The following TJP1 variants were observed in gnomAD, a reference collection of about 807,000 sequenced individuals.
The protein encoded by TJP1 is tight junction protein 1, also known as tight junction protein ZO-1.
A neutral mutation model predicts 194.2 loss-of-function variants in TJP1; 43 were observed. The observed-to-expected ratio is 0.22, with a 90% CI of 0.17 to 0.29. The LOEUF (loss-of-function observed/expected upper bound fraction) is 0.29, where lower values mean the gene tolerates loss of function less well. Ranked by LOEUF, TJP1 falls within the 10% of genes least tolerant of loss-of-function variation. The probability of loss-of-function intolerance (pLI) is 1.00; values close to 1 mark genes in which losing one functional copy is unlikely to be tolerated. For synonymous variants in TJP1, 801 were observed against 779.0 expected, an observed-to-expected ratio of 1.03 and a Z score of -0.47; for missense variants, 1,971 against 2,185.7, an observed-to-expected ratio of 0.90 and a Z score of 1.96.
chr15:29,833,058 C>G (rs1347294749), intron 2 of TJP1, among the ~76,000 whole-genome samples: 1 of 152,148 alleles, frequency 6.6e-6, no homozygotes, highest in Non-Finnish European at 1.5e-5. Context: ...CATGTTTCCT[C>G]CTTGCCAAAG....
intron 2 of TJP1, among the ~76,000 whole-genome samples, chr15:29,786,762 A>G (rs752437049): frequency 1.3e-5 from 2 of 152,190 alleles, no homozygotes; most frequent in African/African-American, 2.4e-5. Flanking sequence ...TTGGCCTCCC[A>G]AAGTACTGGA....
chr15:29,953,590 CTTAT>C (rs1270683715), intron 2 of TJP1, among the ~76,000 whole-genome samples: 5 of 152,096 alleles, frequency 3.3e-5, no homozygotes, highest in Admixed American at 6.6e-5. Context: ...TTAAGCTCTT[CTTAT>C]TTATTTTTTT....
chr15:29,726,055 A>G (rs1246634120), intron 18 of TJP1, among the ~76,000 whole-genome samples: 1 of 152,168 alleles, frequency 6.6e-6, no homozygotes, highest in African/African-American at 2.4e-5. Flanking sequence ...AGAGGAGGAA[A>G]CTGAAGCCAG....
At chr15:29,820,524 T>C in intron 1 of TJP1, 1 of 716,870 alleles carries the variant, frequency 1.4e-6, no homozygotes, top group Non-Finnish European at 2.6e-6. Context: ...GTACTCCTCC[T>C]ACCTTACTGT....
At chr15:29,753,822 G>GAA (rs59926060) in intron 8 of TJP1, among the ~76,000 whole-genome samples, 45 of 68,338 alleles carry the variant, frequency 6.6e-4, no homozygotes, top group African/African-American at 1.0e-3. Flanking sequence ...AAGGGAAACA[G>GAA]AAAAAAAAAA....
chr15:29,715,792 C>G (rs2042527435), intron 23 of TJP1, among the ~76,000 whole-genome samples: 1 of 152,182 alleles, frequency 6.6e-6, no homozygotes, highest in East Asian at 1.9e-4. Context: ...AAAATCTTCC[C>G]TTCCTGACCA....
intron 2 of TJP1, among the ~76,000 whole-genome samples, chr15:29,789,269 G>C (rs1488481818): frequency 6.6e-6 from 1 of 152,066 alleles, no homozygotes; most frequent in Non-Finnish European, 1.5e-5. Context: ...TAAGTTTTTT[G>C]GGGCAGAACT....
At chr15:29,854,021 T>C (rs1473963723) in intron 2 of TJP1, among the ~76,000 whole-genome samples, 3 of 152,172 alleles carry the variant, frequency 2.0e-5, no homozygotes, top group Non-Finnish European at 4.4e-5. Flanking sequence ...GTGACTGATA[T>C]GTCAGTTTTT....
At chr15:29,909,028 G>T (rs1055688558) in intron 2 of TJP1, among the ~76,000 whole-genome samples, 1 of 151,622 alleles carries the variant, frequency 6.6e-6, no homozygotes, top group East Asian at 1.9e-4. Flanking sequence ...GTGGTGGTGG[G>T]CGCCTGTAGT....
intron 2 of TJP1, among the ~76,000 whole-genome samples, chr15:29,931,625 T>C (rs1314960210): frequency 3.3e-5 from 5 of 152,158 alleles, no homozygotes; most frequent in Admixed American, 6.5e-5. Context: ...AAGAGCCAAG[T>C]ACAACCAAGG....
intron 2 of TJP1, among the ~76,000 whole-genome samples, chr15:29,900,898 C>T (rs550448327): frequency 3.1e-4 from 47 of 152,236 alleles, no homozygotes; most frequent in South Asian, 8.3e-4. Flanking sequence ...CAAGCTTCCC[C>T]AGCAGCCACA....
Position 29,766,270 on chromosome 15 carries a change from ATTTT to A in TJP1, c.581_584del (p.Lys194MetfsTer36). 1 of 1,606,938 alleles carries A rather than the reference ATTTT, an allele frequency of 6.2e-7. No homozygotes were observed. Among genetic ancestry groups the A allele is most frequent in the Non-Finnish European group, 8.5e-7 (1 of 1,177,916 alleles). On this transcript the variant is annotated frameshift_variant, in exon 5 of 28. Transcript: ENST00000614355. LOFTEE classifies it high-confidence loss of function. ...GCAAGAGTTGGCAGAGAATACCTTC[ATTTT>A]TCCGGGATTTCACCAGTGTGACTTT...
chr15:29,949,552 A>ACCACCACCTCCACC lies in TJP1; in HGVS notation c.306+6679_306+6680insGGTGGAGGTGGTGG, dbSNP rs1567225362. 3.2e-3 allele frequency among the ~76,000 whole-genome samples: 42 copies of ACCACCACCTCCACC among 13,294 alleles called. 1 individual carries two copies. The highest frequency in any genetic ancestry group is 4.6e-3 in the Non-Finnish European group (33 of 7,102). The allele number at this position is 13,294 out of a possible 152,430, so 8.7% of individuals were successfully genotyped here. On this transcript the variant is annotated intron_variant, in intron 2 of 28. Transcript: ENST00000356107. ...CCACCTCCACCACCACCACCTCCACAACCACCACCTCCACTTCCACAACCA... is the reference window on the plus strand; with the variant it reads ...CCACCTCCACCACCACCACCTCCACACCACCACCTCCACCACCACCACCTCCACTTCCACAACCA...
In TJP1 at chr15:29,779,679, TAG is replaced by T. The variant is rs2047231156; in HGVS notation, c.85-6324_85-6323del. Among the ~76,000 whole-genome samples, 3 of 152,224 alleles carry T rather than the reference TAG, an allele frequency of 2.0e-5. No individual in the cohort carries two copies. The South Asian group carries it at 6.2e-4, about 32-fold the overall frequency. On this transcript the variant is annotated intron_variant, in intron 2 of 27. Transcript: ENST00000614355. ...TTAACTTTAATTCTATTTCCCTTTA[TAG>T]AGACTCTTTTTTTAAACTAGCCCTA... is the stretch of plus-strand genomic sequence containing the variant.
chr15:29,807,307 G>A (rs2049174831), intron 1 of TJP1, among the ~76,000 whole-genome samples: 1 of 152,206 alleles, frequency 6.6e-6, no homozygotes, highest in Admixed American at 6.5e-5. Context: ...AAGAACATCA[G>A]CTTAAAAGTT....
chr15:29,736,278 C>A (rs1486120733), intron 11 of TJP1, among the ~76,000 whole-genome samples: 4 of 152,124 alleles, frequency 2.6e-5, no homozygotes, highest in Non-Finnish European at 5.9e-5. Context: ...CAACCACATC[C>A]TTCAACAAGT....
Position 29,761,173 on chromosome 15 carries a change from A to C in TJP1, c.976T>G (p.Ser326Ala). ...PDQRSEPSDH[S>A]RHSPQQPSNG... ...CTTGGCTGCTGCGGCGAGTGCCTGGAATGATCAGAAGGCTCTGACCGCTGG... is the reference window on the plus strand; with the variant it reads ...CTTGGCTGCTGCGGCGAGTGCCTGGCATGATCAGAAGGCTCTGACCGCTGG... Residue 326 changes from serine (S) to alanine (A), a missense_variant, in exon 8 of 28, where the codon TCC becomes GCC. Ser to Ala is a moderately conservative substitution (Grantham distance 99). Transcript: ENST00000614355. 1 of 1,612,660 alleles carries C rather than the reference A, an allele frequency of 6.2e-7. No individual in the cohort carries two copies. The highest frequency in any genetic ancestry group is 8.5e-7 in the Non-Finnish European group (1 of 1,179,452).
At chr15:29,807,213 T>C (rs1234307584) in intron 1 of TJP1, among the ~76,000 whole-genome samples, 1 of 152,170 alleles carries the variant, frequency 6.6e-6, no homozygotes, top group Non-Finnish European at 1.5e-5. Flanking sequence ...GAACCTGTAA[T>C]TTTCTGGTTG....
At chr15:29,929,566 G>A (rs570116902) in intron 2 of TJP1, among the ~76,000 whole-genome samples, 1 of 152,064 alleles carries the variant, frequency 6.6e-6, no homozygotes, top group African/African-American at 2.4e-5. Context: ...GTGTGGCGGT[G>A]AATGTCTGTA....
Sources: gnomAD v4.1 joint callset for allele counts (sites outside exome capture counted in the v4.1 genomes callset) on GRCh38, gnomAD v4.1.1 for gene constraint, MANE v1.5 for transcripts, NCBI Gene and HGNC (gene_info 2026-07-23, HGNC 2026-07-21) for gene names.